AGPAT4: variants seen among roughly 807,000 people sequenced by gnomAD.
The protein encoded by AGPAT4 is 1-acylglycerol-3-phosphate O-acyltransferase 4.
AGPAT4 carries 15 observed loss-of-function variants against 48.0 expected under a neutral mutation model. The observed-to-expected ratio is 0.31, with a 90% CI of 0.21 to 0.48. The LOEUF (loss-of-function observed/expected upper bound fraction) is 0.48, where lower values mean the gene tolerates loss of function less well. Among genes scored for constraint, AGPAT4 ranks in the 20% least tolerant of loss-of-function variants. The pLI is 0.99. For missense variants in AGPAT4, 314 were observed against 482.5 expected (o/e 0.65, Z 3.27); for synonymous variants, 178 against 198.7 (o/e 0.90, Z 0.88).
rs1370018369 is a variant in AGPAT4, at chr6:161,234,424, C to T, written c.-89-2122G>A. On this transcript the variant is annotated intron_variant, in intron 1 of 8. Coordinates refer to ENST00000320285, the MANE Select transcript of AGPAT4 (RefSeq NM_020133.3). The surrounding 1 kb of genome is among the most constrained non-coding windows in gnomAD (Gnocchi z 4.4). ...CCCTGCAGGGTCTGAATCATCACAT[C>T]TCTGGCCTTTCGCAGACGGCATTTC... is the stretch of plus-strand genomic sequence containing the variant. 6.6e-6 allele frequency among the ~76,000 whole-genome samples: 1 copy of T among 152,126 alleles called. No individual in the cohort carries two copies. Among genetic ancestry groups the T allele is most frequent in the Non-Finnish European group, 1.5e-5 (1 of 68,026 alleles).
At position 161,234,594 on chromosome 6, in the gene AGPAT4, G is replaced by A. The variant is rs1379593455; in HGVS notation, c.-89-2292C>T. 6.6e-6 allele frequency among the ~76,000 whole-genome samples: 1 copy of A among 152,152 alleles called. No individual in the cohort carries two copies. Among genetic ancestry groups the A allele is most frequent in the East Asian group, 1.9e-4 (1 of 5,176 alleles). On this transcript the variant is annotated intron_variant, in intron 1 of 8. Coordinates refer to ENST00000320285, the MANE Select transcript of AGPAT4 (RefSeq NM_020133.3). The surrounding 1 kb of genome is among the most constrained non-coding windows in gnomAD (Gnocchi z 4.4). ...AAATAGGAGGGGTTTACATGGGTTT[G>A]CAGCTTGGCAGCAGTAACAGTTTGA...
At chr6:161,237,971 A>G (rs1039364970) in intron 1 of AGPAT4, among the ~76,000 whole-genome samples, 5 of 151,702 alleles carry the variant, frequency 3.3e-5, no homozygotes, top group South Asian at 2.1e-4. Flanking sequence ...CAGAAAGGTG[A>G]TCAACCAAAG....
In AGPAT4 at chr6:161,251,727, G is replaced by A. The variant is rs561608783; in HGVS notation, c.-89-19425C>T. Among the ~76,000 whole-genome samples, 82 of 152,300 alleles carry A rather than the reference G, an allele frequency of 5.4e-4. No homozygotes were observed. The highest frequency in any genetic ancestry group is 1.9e-3 in the African/African-American group (78 of 41,574). ...GCCAAGCCCACTTCCCGGGCCTTACGTTTCCCATTCAAACATGGGAGACGT... is the reference window on the plus strand; with the variant it reads ...GCCAAGCCCACTTCCCGGGCCTTACATTTCCCATTCAAACATGGGAGACGT... On this transcript the variant is annotated intron_variant, in intron 1 of 8. Transcript: ENST00000320285. The surrounding 1 kb of genome is among the most constrained non-coding windows in gnomAD (Gnocchi z 4.6).
At chr6:161,250,440 A>G (rs1782775795) in intron 1 of AGPAT4, among the ~76,000 whole-genome samples, 1 of 152,188 alleles carries the variant, frequency 6.6e-6, no homozygotes, top group African/African-American at 2.4e-5. Flanking sequence ...TTCAGTTGCC[A>G]TATTAGAATA....
chr6:161,250,503 C>G (rs1461126819), intron 1 of AGPAT4, among the ~76,000 whole-genome samples: 1 of 151,842 alleles, frequency 6.6e-6, no homozygotes, highest in Admixed American at 6.6e-5. Flanking sequence ...TACCTAATTG[C>G]CTCATTATTA....
Position 161,148,894 on chromosome 6 carries a change from A to C in AGPAT4, c.767+293T>G, listed in dbSNP as rs905557340. ...CCATCGCCCACGAAAAGGGTCAATAACATATTCTCTTCACACCAACACCAA... is the reference window on the plus strand; with the variant it reads ...CCATCGCCCACGAAAAGGGTCAATACCATATTCTCTTCACACCAACACCAA... On this transcript the variant is annotated intron_variant, in intron 6 of 8. Transcript: ENST00000320285. The surrounding 1 kb of genome is among the most constrained non-coding windows in gnomAD (Gnocchi z 5.5). Among the ~76,000 whole-genome samples the C allele has an allele frequency of 3.9e-5, 6 of 152,228 alleles. No individual in the cohort carries two copies. The highest frequency in any genetic ancestry group is 1.2e-4 in the African/African-American group (5 of 41,462).
At position 161,248,594 on chromosome 6, in the gene AGPAT4, A is replaced by C. The variant is rs199980401; in HGVS notation, c.-89-16292T>G. Among the ~76,000 whole-genome samples the C allele has an allele frequency of 7.1e-4, 99 of 138,598 alleles. 4 individuals are homozygous for C. The highest frequency in any genetic ancestry group is 1.6e-3 in the East Asian group (7 of 4,504). 90.9% of individuals were successfully genotyped at this position (138,598 alleles called of 152,430 possible). A position where few individuals can be genotyped will look rare whatever the true frequency, so the allele number is the denominator to read the frequency against. On this transcript the variant is annotated intron_variant, in intron 1 of 8. Coordinates refer to ENST00000320285, the MANE Select transcript of AGPAT4 (RefSeq NM_020133.3). ...CTCAAAAAAAAAAAAAAAAAAAAAA[A>C]CTAGGAATACAGCTAACCAGGGAAG...
chr6:161,173,576 T>C (rs1386382132), intron 2 of AGPAT4, among the ~76,000 whole-genome samples: 1 of 152,230 alleles, frequency 6.6e-6, no homozygotes, highest in Non-Finnish European at 1.5e-5. Context: ...TGTAAGATTT[T>C]TCTCCCATTC....
In AGPAT4 at chr6:161,132,425, G is replaced by T. The variant is rs1778931093; in HGVS notation, c.*4115C>A. On this transcript the variant is annotated 3_prime_UTR_variant, in exon 9 of 9. Transcript: ENST00000320285. ...CCAGAGCCTGAGATTCAAGATGCTG[G>T]TCTCTTCTGAACACACCGTGGAGCA... is the stretch of plus-strand genomic sequence containing the variant. 1 of 152,242 alleles carries T rather than the reference G, an allele frequency of 6.6e-6. No individual in the cohort carries two copies. Among genetic ancestry groups the T allele is most frequent in the East Asian group, 1.9e-4 (1 of 5,186 alleles). 9.4% of individuals were successfully genotyped at this position (152,242 alleles called of 1,614,324 possible). A position where few individuals can be genotyped will look rare whatever the true frequency, so the allele number is the denominator to read the frequency against.
chr6:161,253,294 G>C (rs1181193325), intron 1 of AGPAT4, among the ~76,000 whole-genome samples: 1 of 139,012 alleles, frequency 7.2e-6, no homozygotes, highest in East Asian at 2.1e-4. Flanking sequence ...TTGCGCTGTT[G>C]CCCAGGCTGG....
At position 161,196,808 on chromosome 6, in the gene AGPAT4, C is replaced by T. The variant is rs907363850; in HGVS notation, c.179-30391G>A. Among the ~76,000 whole-genome samples, 1 of 147,650 alleles carries T rather than the reference C, an allele frequency of 6.8e-6. No individual in the cohort carries two copies. Among genetic ancestry groups the T allele is most frequent in the Non-Finnish European group, 1.5e-5 (1 of 67,216 alleles). Reference sequence around the variant, plus strand: ...TAGGCAACAGAGAAAGACTCTATCTCCCCCCGCCAAAAAAAAAAAAAAAAT... The same window carrying T: ...TAGGCAACAGAGAAAGACTCTATCTTCCCCCGCCAAAAAAAAAAAAAAAAT... On this transcript the variant is annotated intron_variant, in intron 2 of 8. Coordinates refer to ENST00000320285, the MANE Select transcript of AGPAT4 (RefSeq NM_020133.3). This position sits in a 1 kb window ranked among gnomAD's most constrained non-coding sequence, Gnocchi z 4.3.
At position 161,143,226 on chromosome 6, in the gene AGPAT4, C is replaced by T. The variant is rs1008682162; in HGVS notation, c.843+3298G>A. On this transcript the variant is annotated intron_variant, in intron 7 of 8. Transcript: ENST00000320285. This position sits in a 1 kb window ranked among gnomAD's most constrained non-coding sequence, Gnocchi z 4.7. ...TAGCTGGGACTACAGGTGTGTACCG[C>T]TAGGTGCAGCTAGTTTGTAAAATTT... is the stretch of plus-strand genomic sequence containing the variant. 1.3e-5 allele frequency among the ~76,000 whole-genome samples: 2 copies of T among 152,180 alleles called. No individual in the cohort carries two copies. The highest frequency in any genetic ancestry group is 4.8e-5 in the African/African-American group (2 of 41,430).
At chr6:161,162,728 C>T (rs1241566235) in intron 3 of AGPAT4, among the ~76,000 whole-genome samples, 1 of 152,224 alleles carries the variant, frequency 6.6e-6, no homozygotes, top group Admixed American at 6.5e-5. Context: ...TCCCAGTTGG[C>T]CCGGCAGATA....
chr6:161,255,843 C>A lies in AGPAT4; in HGVS notation c.-90+18095G>T, dbSNP rs1194544201. Among the ~76,000 whole-genome samples the A allele has an allele frequency of 6.6e-6, 1 of 152,128 alleles. No homozygotes were observed. Among genetic ancestry groups the A allele is most frequent in the African/African-American group, 2.4e-5 (1 of 41,416 alleles). On this transcript the variant is annotated intron_variant, in intron 1 of 8. Transcript: ENST00000320285. This position sits in a 1 kb window ranked among gnomAD's most constrained non-coding sequence, Gnocchi z 4.7. Reference sequence around the variant, plus strand: ...ATATACAAAAAGCCATTGCACTGCACACTTGCAATGGGTGAATTTTATGGT... The same window carrying A: ...ATATACAAAAAGCCATTGCACTGCAAACTTGCAATGGGTGAATTTTATGGT...
rs559833862 is a variant in AGPAT4 at position 161,200,827 on chromosome 6, C to T, written c.178+31209G>A. 1.6e-4 allele frequency among the ~76,000 whole-genome samples: 24 copies of T among 152,330 alleles called. No homozygotes were observed. Among genetic ancestry groups the T allele is most frequent in the African/African-American group, 5.3e-4 (22 of 41,570 alleles). The stretch of plus-strand genomic sequence containing the variant: ...CTGAGAAGGTTATTCTATTTGGCCA[C>T]AATTTCTGATCCATCCAAACTCATA... On this transcript the variant is annotated intron_variant, in intron 2 of 8. Transcript: ENST00000320285. This position sits in a 1 kb window ranked among gnomAD's most constrained non-coding sequence, Gnocchi z 5.5.
At position 161,144,474 on chromosome 6, in the gene AGPAT4, CTT is replaced by C. The variant is rs1454770371; in HGVS notation, c.843+2048_843+2049del. Among the ~76,000 whole-genome samples the C allele has an allele frequency of 1.3e-5, 2 of 152,162 alleles. No individual in the cohort carries two copies. The highest frequency in any genetic ancestry group is 2.1e-4 in the South Asian group (1 of 4,832). ...GTTTAGAGGAAAACACCCTAAGAGA[CTT>C]TTAACAAGAAGGAGATGTGCCTCTC... On this transcript the variant is annotated intron_variant, in intron 7 of 8. Transcript: ENST00000320285. This position sits in a 1 kb window ranked among gnomAD's most constrained non-coding sequence, Gnocchi z 6.6.
chr6:161,154,419 G>A lies in AGPAT4; in HGVS notation c.349-109C>T, dbSNP rs934173180. ...AGAGGAGGGGACGTTCACACCAGAC[G>A]CCTCGGGACAGTCCCAGAACACATG... On this transcript the variant is annotated intron_variant, in intron 3 of 8. Transcript: ENST00000320285. The surrounding 1 kb of genome is among the most constrained non-coding windows in gnomAD (Gnocchi z 7.8). 9.3e-5 allele frequency: 118 copies of A among 1,272,426 alleles called. No homozygotes were observed. The highest frequency in any genetic ancestry group is 2.2e-4 in the Middle Eastern group (1 of 4,492). 78.8% of individuals were successfully genotyped at this position (1,272,426 alleles called of 1,614,324 possible).
In AGPAT4 at chr6:161,180,971, A is replaced by C. The variant is rs1488100329; in HGVS notation, c.179-14554T>G. ...AAAAACAAAGTGGAGTTAAGGAAGA[A>C]AGGCCTCTGCTGTCCTATCTGTAAA... On this transcript the variant is annotated intron_variant, in intron 2 of 8. Coordinates refer to ENST00000320285, the MANE Select transcript of AGPAT4 (RefSeq NM_020133.3). The surrounding 1 kb of genome is among the most constrained non-coding windows in gnomAD (Gnocchi z 6.4). Among the ~76,000 whole-genome samples the C allele has an allele frequency of 6.6e-6, 1 of 152,216 alleles. No homozygotes were observed. The highest frequency in any genetic ancestry group is 1.5e-5 in the Non-Finnish European group (1 of 68,034).
intron 2 of AGPAT4, among the ~76,000 whole-genome samples, chr6:161,167,183 T>C (rs1207760766): frequency 1.3e-5 from 2 of 151,982 alleles, no homozygotes; most frequent in Non-Finnish European, 2.9e-5. Context: ...AAGTTGACGG[T>C]GTTCAGTAGG....
Sources: gnomAD v4.1 joint callset for allele counts (sites outside exome capture counted in the v4.1 genomes callset) on GRCh38, gnomAD v4.1.1 for gene constraint, Gnocchi (gnomAD v3.1) non-coding constraint, MANE v1.5 for transcripts, NCBI Gene and HGNC (gene_info 2026-07-23, HGNC 2026-07-21) for gene names.